Variants in GRID2 observed in about 807,000 individuals in gnomAD.
GRID2 encodes the protein glutamate receptor ionotropic, delta-2.
In GRID2, 33 loss-of-function variants were observed where a neutral mutation model predicts 114.8. That is an observed-to-expected ratio of 0.29 (90% CI 0.22 to 0.38). GRID2 has a LOEUF of 0.38. GRID2 is among the 10% of genes least tolerant of loss of function. GRID2 has a pLI of 1.00. For missense variants in GRID2, 1,184 were observed against 1,257.7 expected (o/e 0.94, Z 0.89); for synonymous variants, 505 against 449.9 (o/e 1.12, Z -1.55).
At chr4:93,792,472 A>T (rs1734714187) in intron 1 of GRID2, among the ~76,000 whole-genome samples, 1 of 152,152 alleles carries the variant, frequency 6.6e-6, no homozygotes, top group Non-Finnish European at 1.5e-5. Context: ...AGTTAGGCCA[A>T]TGCAAAATTA....
intron 1 of GRID2, among the ~76,000 whole-genome samples, chr4:92,441,709 A>C (rs1251239539): frequency 6.6e-6 from 1 of 152,026 alleles, no homozygotes; most frequent in Non-Finnish European, 1.5e-5. Flanking sequence ...GGGATGGGAT[A>C]TTGGCATTGA....
intron 2 of GRID2, among the ~76,000 whole-genome samples, chr4:92,986,732 T>A (rs1754529757): frequency 6.6e-6 from 1 of 152,186 alleles, no homozygotes; most frequent in African/African-American, 2.4e-5. Context: ...TTTAAAAAGC[T>A]GTAACAGAAC....
At chr4:93,125,628 CT>C (rs528201460) in intron 4 of GRID2, among the ~76,000 whole-genome samples, 4 of 151,798 alleles carry the variant, frequency 2.6e-5, no homozygotes, top group Non-Finnish European at 5.9e-5. Flanking sequence ...GTAGAAATTA[CT>C]TTTTTTTAAC....
rs189894975 is a variant in GRID2, at chr4:92,916,733, G to A, written c.245-168262G>A. ...GCATAGTATTCCATGGTGTATATGT[G>A]CCACATTTTCTTAATCCAGTCTATC... On this transcript the variant is annotated intron_variant, in intron 2 of 15. Coordinates refer to ENST00000282020, the MANE Select transcript of GRID2 (RefSeq NM_001510.4). Among the ~76,000 whole-genome samples, 5 of 152,232 alleles carry A rather than the reference G, an allele frequency of 3.3e-5. No homozygotes were observed. In the East Asian group the frequency reaches 7.7e-4, roughly 24 times the overall value.
chr4:92,965,450 T>TGG (rs1393372287), intron 2 of GRID2, among the ~76,000 whole-genome samples: 1 of 85,758 alleles, frequency 1.2e-5, no homozygotes, highest in Admixed American at 1.1e-4. Flanking sequence ...ATTCAATTTG[T>TGG]AAAAAAAAAA....
intron 2 of GRID2, among the ~76,000 whole-genome samples, chr4:93,070,815 T>C (rs543641534): frequency 1.2e-3 from 181 of 152,214 alleles, no homozygotes; most frequent in African/African-American, 4.0e-3. Context: ...AATGAATGTT[T>C]ACAGAATAAA....
intron 2 of GRID2, among the ~76,000 whole-genome samples, chr4:92,809,711 A>T (rs1028840585): frequency 6.6e-6 from 1 of 152,032 alleles, no homozygotes; most frequent in Admixed American, 6.6e-5. Context: ...TATTATTTTA[A>T]AATTACATTA....
At chr4:93,050,489 CCAGA>C (rs1726589939) in intron 2 of GRID2, among the ~76,000 whole-genome samples, 2 of 149,162 alleles carry the variant, frequency 1.3e-5, no homozygotes, top group Non-Finnish European at 1.5e-5. Flanking sequence ...CAGTCCTTGA[CCAGA>C]CAAAGAATAA....
chr4:93,204,693 G>T (rs1742496244), intron 4 of GRID2, among the ~76,000 whole-genome samples: 1 of 152,106 alleles, frequency 6.6e-6, no homozygotes, highest in African/African-American at 2.4e-5. Flanking sequence ...AAATCTCATG[G>T]TCTAGATAAG....
At chr4:92,961,435 TA>T (rs1752802898) in intron 2 of GRID2, among the ~76,000 whole-genome samples, 1 of 151,410 alleles carries the variant, frequency 6.6e-6, no homozygotes, top group African/African-American at 2.4e-5. Context: ...ATTTTAAGGA[TA>T]ATTTCACAGG....
At chr4:92,382,314 C>A (rs1398127884) in intron 1 of GRID2, among the ~76,000 whole-genome samples, 2 of 151,882 alleles carry the variant, frequency 1.3e-5, no homozygotes, top group African/African-American at 2.4e-5. Flanking sequence ...CCAGGGTGTG[C>A]TTGTTGGATA....
intron 8 of GRID2, among the ~76,000 whole-genome samples, chr4:93,352,732 A>C (rs548901352): frequency 6.6e-6 from 1 of 152,162 alleles, no homozygotes; most frequent in African/African-American, 2.4e-5. Flanking sequence ...CCCAATACAG[A>C]GATAAGAAAA....
chr4:93,309,478 G>GA (rs61399215), intron 8 of GRID2, among the ~76,000 whole-genome samples: 8,284 of 151,912 alleles, frequency 0.055, 766 homozygotes, highest in African/African-American at 0.19. Context: ...AGGTTGCAGT[G>GA]GCTGAGCCAA....
chr4:93,110,585 C>T (rs1052204210), intron 3 of GRID2, among the ~76,000 whole-genome samples, 163 bp from the exon 4 acceptor site: 2 of 152,132 alleles, frequency 1.3e-5, no homozygotes, highest in African/African-American at 4.8e-5. Flanking sequence ...TCAAAATGTA[C>T]CAAACCTTAA....
chr4:93,637,356 A>G (rs1270047632), intron 14 of GRID2, among the ~76,000 whole-genome samples: 1 of 152,160 alleles, frequency 6.6e-6, no homozygotes, highest in Non-Finnish European at 1.5e-5. Flanking sequence ...CACAGAAATG[A>G]TTTGAAATTT....
At chr4:93,567,009 G>T (rs948045376) in intron 13 of GRID2, among the ~76,000 whole-genome samples, 6 of 152,152 alleles carry the variant, frequency 3.9e-5, no homozygotes, top group Admixed American at 3.9e-4. Flanking sequence ...AGCAGCAGCA[G>T]CAGCTCTGGG....
At chr4:92,819,470 A>T (rs1020377739) in intron 2 of GRID2, among the ~76,000 whole-genome samples, 1 of 152,136 alleles carries the variant, frequency 6.6e-6, no homozygotes, top group East Asian at 1.9e-4. Flanking sequence ...CATGGGCAGG[A>T]TAAAACCCAA....
At chr4:93,488,949 ATCACATT>A (rs1489423647) in intron 11 of GRID2, among the ~76,000 whole-genome samples, 3 of 151,996 alleles carry the variant, frequency 2.0e-5, no homozygotes, top group Non-Finnish European at 2.9e-5. Context: ...CCAAATAACA[ATCACATT>A]GTGGGTTAGA....
chr4:93,295,474 T>C (rs907814545), intron 8 of GRID2, among the ~76,000 whole-genome samples: 1 of 152,180 alleles, frequency 6.6e-6, no homozygotes, highest in Non-Finnish European at 1.5e-5. Context: ...GAGAATTGGC[T>C]TATCAGATTA....
Sources: allele counts gnomAD v4.1 joint callset (sites outside exome capture counted in the v4.1 genomes callset), GRCh38; gene constraint gnomAD v4.1.1; transcripts MANE v1.5; gene names NCBI Gene and HGNC (gene_info 2026-07-23, HGNC 2026-07-21).